The following RSPH14 variants were observed in gnomAD, a reference collection of about 807,000 sequenced individuals.
RSPH14 encodes the protein rhabdoid tumor deletion region gene 1.
RSPH14 carries 20 observed loss-of-function variants against 26.7 expected under a neutral mutation model. The ratio of observed to expected loss-of-function variants is 0.75; its 90% CI spans 0.53 to 1.09. The LOEUF (loss-of-function observed/expected upper bound fraction) is 1.09. Ranked by LOEUF, RSPH14 falls within the 50% of genes least tolerant of loss-of-function variation. The pLI is 0.00. For missense variants in RSPH14, 449 were observed against 457.2 expected (o/e 0.98, Z 0.16); for synonymous variants, 177 against 189.3 (o/e 0.93, Z 0.53).
intron 4 of RSPH14, among the ~76,000 whole-genome samples, chr22:23,075,113 G>A (rs2068477156): frequency 6.6e-6 from 1 of 152,182 alleles, no homozygotes. Context: ...GGACCTCAAG[G>A]ATAATATTGG....
intron 4 of RSPH14, chr22:23,095,671 T>C: frequency 6.3e-7 from 1 of 1,582,038 alleles, no homozygotes; most frequent in South Asian, 1.2e-5. Context: ...CCGTGCTCCT[T>C]GTCTGGGCCC....
chr22:23,160,740 G>C, the RSPH14 span: 2 of 1,200,134 alleles, frequency 1.7e-6, no homozygotes, highest in South Asian at 3.0e-5. Context: ...TGCCCTCCTG[G>C]GGTCATTGTT....
At chr22:23,163,913 A>G in the RSPH14 span, 1 of 152,204 alleles carries the variant, frequency 6.6e-6, no homozygotes, top group Non-Finnish European at 1.5e-5. Flanking sequence ...CCCAGTTTTC[A>G]TGTGGATGGA....
At chr22:23,156,185 GA>G in the RSPH14 span, 2 of 595,722 alleles carry the variant, frequency 3.4e-6, no homozygotes, top group African/African-American at 1.9e-5. Flanking sequence ...TGGGAACAGG[GA>G]AGCTGCCTTC....
intron 4 of RSPH14, chr22:23,096,247 C>T (rs1320552380): frequency 6.2e-7 from 1 of 1,613,942 alleles, no homozygotes; most frequent in East Asian, 2.2e-5. Flanking sequence ...TGACCACGGG[C>T]ATTGTGGAGA....
At chr22:23,101,084 G>A (rs1307636940) in intron 4 of RSPH14, among the ~76,000 whole-genome samples, 1 of 152,208 alleles carries the variant, frequency 6.6e-6, no homozygotes, top group Non-Finnish European at 1.5e-5. Flanking sequence ...TTTGCCCAAG[G>A]AGGGAATTAC....
chr22:23,134,974 C>T (rs1412984853), intron 3 of RSPH14, among the ~76,000 whole-genome samples: 4 of 152,128 alleles, frequency 2.6e-5, no homozygotes, highest in African/African-American at 9.7e-5. Context: ...AGTTCAAGAC[C>T]AGCCTGGGCA....
chr22:23,153,242 C>A, the RSPH14 span: 34 of 834,508 alleles, frequency 4.1e-5, 1 homozygote, highest in South Asian at 4.0e-4. Context: ...CTAGTCTAGA[C>A]AAGCAGAGCC....
intron 4 of RSPH14, among the ~76,000 whole-genome samples, chr22:23,076,798 G>A (rs1456829360): frequency 2.6e-5 from 4 of 152,344 alleles, no homozygotes; most frequent in African/African-American, 7.2e-5. Flanking sequence ...GGCCTTTCCA[G>A]GTGGCCCCTG....
chr22:23,169,532 T>C, the RSPH14 span, among the ~76,000 whole-genome samples: 1 of 152,208 alleles, frequency 6.6e-6, no homozygotes, highest in African/African-American at 2.4e-5. Context: ...CCATCTACAA[T>C]GTCTTGCCTG....
intron 4 of RSPH14, among the ~76,000 whole-genome samples, chr22:23,119,192 C>T (rs1162779533): frequency 1.3e-5 from 2 of 152,238 alleles, no homozygotes; most frequent in African/African-American, 4.8e-5. Context: ...TGCAAGAGTG[C>T]AGGCACCGCT....
intron 4 of RSPH14, chr22:23,096,465 G>T (rs2069126949): frequency 3.2e-6 from 5 of 1,553,058 alleles, no homozygotes; most frequent in Non-Finnish European, 4.3e-6. Flanking sequence ...GCTGTCGTGG[G>T]TTCCTGGAAG....
Position 23,061,910 on chromosome 22 carries a change from A to G in RSPH14, c.689T>C (p.Phe230Ser), listed in dbSNP as rs907275410. ...ATGGACCAGGATGGGGATGACGTCA[A>G]AATGACACACCTGTTTCTTGCCCTC... ...SREGKKQVCHFDVIPILVHLL... is the reference protein window; with the variant it reads ...SREGKKQVCHSDVIPILVHLL... The change falls in exon 6 of 7, where the codon TTT (phenylalanine) becomes TCT (serine). Residue 230 changes from phenylalanine (F) to serine (S), a missense_variant. Coordinates refer to ENST00000216036, the MANE Select transcript of RSPH14 (RefSeq NM_014433.3). 6.2e-7 allele frequency: 1 copy of G among 1,614,084 alleles called. No homozygotes were observed. The highest frequency in any genetic ancestry group is 8.5e-7 in the Non-Finnish European group (1 of 1,180,046).
intron 3 of RSPH14, among the ~76,000 whole-genome samples, chr22:23,135,317 CAAAAAAAAAAAAA>C (rs55649510): frequency 2.3e-5 from 2 of 85,890 alleles, no homozygotes; most frequent in African/African-American, 9.1e-5. Context: ...ACTAAAAATA[CAAAAAAAAAAAAA>C]AAAAAAAAAA....
upstream of RSPH14, chr22:23,145,967 C>G (rs1011791401): frequency 2.0e-5 from 20 of 985,094 alleles, no homozygotes; most frequent in African/African-American, 3.5e-4. Context: ...AGACTGGGAG[C>G]AGGAGACCCC....
At chr22:23,160,295 C>A in the RSPH14 span, among the ~76,000 whole-genome samples, 1 of 152,192 alleles carries the variant, frequency 6.6e-6, no homozygotes, top group African/African-American at 2.4e-5. Flanking sequence ...AGTGAGTTCA[C>A]CGACAGCTCA....
intron 4 of RSPH14, among the ~76,000 whole-genome samples, chr22:23,102,163 T>A (rs1025194152): frequency 7.2e-5 from 11 of 152,236 alleles, no homozygotes; most frequent in African/African-American, 2.7e-4. Context: ...CAGCCTTAAC[T>A]GGGGCTGCGG....
intron 4 of RSPH14, among the ~76,000 whole-genome samples, chr22:23,121,720 CTTTTT>C (rs10598505): frequency 4.9e-5 from 6 of 123,162 alleles, no homozygotes; most frequent in Admixed American, 8.2e-5. Flanking sequence ...AGAAAAGTTC[CTTTTT>C]TTTTTTTTTT....
chr22:23,087,873 T>C (rs138131041), intron 4 of RSPH14, among the ~76,000 whole-genome samples: 105 of 152,322 alleles, frequency 6.9e-4, no homozygotes, highest in Non-Finnish European at 7.5e-4. Context: ...AAGAGCAGTT[T>C]AGGGAGGGTC....
Sources: gnomAD v4.1 joint callset for allele counts (sites outside exome capture counted in the v4.1 genomes callset) on GRCh38, gnomAD v4.1.1 for gene constraint, MANE v1.5 for transcripts, NCBI Gene and HGNC (gene_info 2026-07-23, HGNC 2026-07-21) for gene names.